The following KIF14 variants were observed in gnomAD, a reference collection of about 807,000 sequenced individuals.
KIF14 encodes the protein kinesin-like protein KIF14.
Under a neutral mutation model 176.2 loss-of-function variants are expected in KIF14, and 98 were observed. The observed-to-expected ratio is 0.56, with a 90% CI of 0.47 to 0.66. KIF14 has a LOEUF of 0.66. Among genes scored for constraint, KIF14 ranks in the 30% least tolerant of loss-of-function variants. The probability of loss-of-function intolerance (pLI) is 0.00; values close to 1 mark genes in which losing one functional copy is unlikely to be tolerated. For synonymous variants in KIF14, 566 were observed against 632.2 expected (o/e 0.90, Z 1.57); for missense variants, 1,751 against 1,920.4 (o/e 0.91, Z 1.65).
intron 28 of KIF14, 42 bp downstream of exon 28, chr1:200,555,338 A>C (rs757609816): frequency 7.7e-7 from 1 of 1,297,068 alleles, no homozygotes; most frequent in South Asian, 1.3e-5. Flanking sequence ...GTGAAATGAT[A>C]AAAAATAAGC....
rs1657807465 is a variant in KIF14 at position 200,571,864 on chromosome 1, C to T, written c.3567-1859G>A. On this transcript the variant is annotated intron_variant, in intron 22 of 29. Coordinates refer to ENST00000367350, the MANE Select transcript of KIF14 (RefSeq NM_014875.3). ...ATCATAGTTAAACAACGTTTAAACCCAAGTAAAATGCTTGTCATATTCCTT... is the reference window on the plus strand; with the variant it reads ...ATCATAGTTAAACAACGTTTAAACCTAAGTAAAATGCTTGTCATATTCCTT... Among the ~76,000 whole-genome samples the T allele has an allele frequency of 2.0e-5, 3 of 152,170 alleles. No homozygotes were observed. The South Asian group carries it at 6.2e-4, about 31-fold the overall frequency.
At position 200,553,501 on chromosome 1, in the gene KIF14, C is replaced by T. The variant is rs571209393; in HGVS notation, c.4834G>A (p.Gly1612Arg). The T allele has an allele frequency of 4.5e-5, 73 of 1,613,958 alleles. No homozygotes were observed. Among genetic ancestry groups the T allele is most frequent in the African/African-American group, 8.0e-5 (6 of 74,970 alleles). Residue 1612 changes from glycine (G) to arginine (R), a missense_variant, in exon 30 of 30, where the codon GGG becomes AGG. Coordinates refer to ENST00000367350, the MANE Select transcript of KIF14 (RefSeq NM_014875.3). ...CCTTTATTCTTACTGCCGTCAATCC[C>T]GCTTGATTTAGATTGTTGGTGTTCT... ...KEEHQQSKSS[G>R]IDGSKNKGVP...
At chr1:200,614,677 C>A (rs962067310) in intron 3 of KIF14, among the ~76,000 whole-genome samples, 1 of 150,404 alleles carries the variant, frequency 6.6e-6, no homozygotes. Context: ...AAGTCTTTAG[C>A]ACAGTGTCTG....
chr1:200,593,393 G>A (rs534026689), intron 15 of KIF14, among the ~76,000 whole-genome samples: 1 of 152,290 alleles, frequency 6.6e-6, no homozygotes, highest in Non-Finnish European at 1.5e-5. Context: ...GGCAAAGCCA[G>A]GATTTCAACC....
chr1:200,561,011 G>T, intron 25 of KIF14, 131 bp from the exon 26 acceptor site: 4 of 717,560 alleles, frequency 5.6e-6, no homozygotes, highest in East Asian at 2.6e-5. Context: ...CGGGTGGATC[G>T]CCTGAGGTCA....
At chr1:200,589,409 C>G in intron 17 of KIF14, 40 bp from the exon 18 acceptor site, 2 of 1,532,356 alleles carry the variant, frequency 1.3e-6, no homozygotes, top group South Asian at 1.2e-5. Context: ...AGGCAAAAAC[C>G]GTAGCAAAAA....
intron 10 of KIF14, among the ~76,000 whole-genome samples, chr1:200,602,523 G>T (rs979180538): frequency 1.3e-5 from 2 of 152,110 alleles, no homozygotes; most frequent in African/African-American, 4.8e-5. Flanking sequence ...ATATATTAGT[G>T]CAGAATGAAT....
intron 27 of KIF14, among the ~76,000 whole-genome samples, chr1:200,557,769 C>T (rs1343475493): frequency 6.6e-6 from 1 of 152,150 alleles, no homozygotes; most frequent in African/African-American, 2.4e-5. Flanking sequence ...TCCATGCCTT[C>T]CCAGAAACAA....
rs1055916849 is a variant in KIF14 at position 200,592,195 on chromosome 1, G to T, written c.2698C>A (p.His900Asn). 1.2e-5 allele frequency: 19 copies of T among 1,613,574 alleles called. No homozygotes were observed. Among genetic ancestry groups the T allele is most frequent in the Non-Finnish European group, 1.6e-5 (19 of 1,179,774 alleles). The change falls in exon 16 of 30, where the codon CAT becomes AAT. Residue 900 changes from histidine (H) to asparagine (N), a missense_variant. His to Asn is a moderately conservative substitution (Grantham distance 68). Transcript: ENST00000367350. ...TTTCCTTTCTGGACTTCTACTGGAT[G>T]ATTAAATCTAAAATAATGATCTCCA... ...LGGDHYFRFNHPVEVQKGKRP... is the reference protein window; with the variant it reads ...LGGDHYFRFNNPVEVQKGKRP...
rs1558096553 is a variant in KIF14, at chr1:200,617,777, C to CT, written c.946dup (p.Arg316LysfsTer10). 6.2e-7 allele frequency: 1 copy of CT among 1,614,062 alleles called. No individual in the cohort carries two copies. Among genetic ancestry groups the CT allele is most frequent in the Non-Finnish European group, 8.5e-7 (1 of 1,179,992 alleles). On this transcript the variant is annotated frameshift_variant, in exon 2 of 30. Coordinates refer to ENST00000367350, the MANE Select transcript of KIF14 (RefSeq NM_014875.3). LOFTEE classifies it high-confidence loss of function. Reference sequence around the variant, plus strand: ...ATTTGCAAGAAAGGAACTTTTTGGTCTTTGTTTAACTTGAAGGTTAGACAT... The same window carrying CT: ...ATTTGCAAGAAAGGAACTTTTTGGTCTTTTGTTTAACTTGAAGGTTAGACAT...
intron 22 of KIF14, 117 bp from the exon 23 acceptor site, chr1:200,570,122 A>T (rs1421588036): frequency 2.8e-5 from 14 of 503,332 alleles, no homozygotes; most frequent in African/African-American, 2.3e-4. Context: ...TTTCATTAAA[A>T]ATTTTCATCA....
At chr1:200,576,815 CTTT>C (rs929696407) in intron 21 of KIF14, among the ~76,000 whole-genome samples, 2 of 151,980 alleles carry the variant, frequency 1.3e-5, no homozygotes, top group East Asian at 3.9e-4. Context: ...TAAGAATTCT[CTTT>C]TTTTCTTTTG....
At position 200,581,760 on chromosome 1, in the gene KIF14, C is replaced by CTTTTT. The variant is rs1558064089; in HGVS notation, c.3242-467_3242-466insAAAAA. Among the ~76,000 whole-genome samples, 26 of 102,418 alleles carry CTTTTT rather than the reference C, an allele frequency of 2.5e-4. 2 individuals are homozygous for CTTTTT. In the East Asian group the frequency reaches 4.2e-3, roughly 17 times the overall value. The allele number at this position is 102,418 out of a possible 152,430, so 67.2% of individuals were successfully genotyped here. On this transcript the variant is annotated intron_variant, in intron 19 of 29. Transcript: ENST00000367350. Reference sequence around the variant, plus strand: ...ATAATTTAGTACACAATTTCACTTTCCTTTTTTTTTTTTTTTTTTTTTTTG... The same window carrying CTTTTT: ...ATAATTTAGTACACAATTTCACTTTCTTTTTCTTTTTTTTTTTTTTTTTTTTTTTG...
rs1658917415 is a variant in KIF14, at chr1:200,589,286, C to T, written c.3045G>A (p.Lys1015=). ...NHKIEELEKA[K]QHLEQEIYVN... ...CATATATTTCCTGTTCAAGATGCTG[C>T]TTTGCCTTTTCTAATTCCTCAATTT... Residue 1015 remains lysine, a synonymous_variant, in exon 18 of 30, where the codon AAG becomes AAA. Transcript: ENST00000367350. 6.2e-7 allele frequency: 1 copy of T among 1,612,006 alleles called. No individual in the cohort carries two copies.
At position 200,579,629 on chromosome 1, in the gene KIF14, T is replaced by C. The variant is rs1658336640; in HGVS notation, c.3465+625A>G. 3.3e-5 allele frequency among the ~76,000 whole-genome samples: 5 copies of C among 151,946 alleles called. No homozygotes were observed. The South Asian group carries it at 1.0e-3, about 31-fold the overall frequency. ...CATTTCAAAAAAATATATATATATA[T>C]ATTTGTAAAATGCAAACTGGTAACA... On this transcript the variant is annotated intron_variant, in intron 21 of 29. Transcript: ENST00000367350.
chr1:200,612,231 G>C (rs896485235), intron 4 of KIF14, among the ~76,000 whole-genome samples: 1 of 152,130 alleles, frequency 6.6e-6, no homozygotes. Context: ...TCAAACTCCT[G>C]ACCTCAGGTG....
At chr1:200,588,440 T>G (rs763327563) in intron 18 of KIF14, among the ~76,000 whole-genome samples, 1 of 151,930 alleles carries the variant, frequency 6.6e-6, no homozygotes, top group Non-Finnish European at 1.5e-5. Context: ...AGGGTTTCAC[T>G]ATGTTGGCCA....
intron 22 of KIF14, among the ~76,000 whole-genome samples, chr1:200,572,464 C>T (rs1299532154): frequency 6.6e-6 from 1 of 152,134 alleles, no homozygotes; most frequent in Non-Finnish European, 1.5e-5. Context: ...CCTGCCTCAG[C>T]CTCCCGAGTA....
intron 18 of KIF14, 115 bp downstream of exon 18, chr1:200,589,102 C>T: frequency 1.3e-6 from 1 of 750,538 alleles, no homozygotes; most frequent in Non-Finnish European, 2.2e-6. Flanking sequence ...CTCATCTACA[C>T]ATCTACAAAC....
Sources: allele counts gnomAD v4.1 joint callset (sites outside exome capture counted in the v4.1 genomes callset), GRCh38; gene constraint gnomAD v4.1.1; transcripts MANE v1.5; gene names NCBI Gene and HGNC (gene_info 2026-07-23, HGNC 2026-07-21).